Variants in MLLT3 observed in about 807,000 individuals in gnomAD.
The protein encoded by MLLT3 is protein AF-9.
MLLT3 carries 4 observed loss-of-function variants against 53.2 expected under a neutral mutation model. The observed-to-expected ratio is 0.08, with a 90% CI of 0.04 to 0.17. The LOEUF (loss-of-function observed/expected upper bound fraction) is 0.17. Ranked by LOEUF, MLLT3 falls within the 10% of genes least tolerant of loss-of-function variation. MLLT3 has a pLI of 1.00. For missense variants in MLLT3, 569 were observed against 684.0 expected (o/e 0.83, Z 1.87); for synonymous variants, 283 against 230.6 (o/e 1.23, Z -2.06).
At chr9:20,615,831 TG>T (rs1331281298) in intron 2 of MLLT3, among the ~76,000 whole-genome samples, 1 of 148,690 alleles carries the variant, frequency 6.7e-6, no homozygotes, top group Non-Finnish European at 1.5e-5. Flanking sequence ...AAAGAGAAGC[TG>T]GTAAGAGGAC....
chr9:20,450,041 C>T (rs894490142), intron 3 of MLLT3, among the ~76,000 whole-genome samples: 10 of 152,304 alleles, frequency 6.6e-5, no homozygotes, highest in African/African-American at 2.4e-4. Flanking sequence ...GCATCCAATT[C>T]ATGCATTATG....
chr9:20,445,383 A>G (rs932750737), intron 4 of MLLT3, among the ~76,000 whole-genome samples: 17 of 152,194 alleles, frequency 1.1e-4, no homozygotes, highest in African/African-American at 3.4e-4. Context: ...CTATTTAGGA[A>G]ATAGTATGAC....
At chr9:20,354,978 A>G in intron 8 of MLLT3, 99 bp from the exon 9 acceptor site, 1 of 710,804 alleles carries the variant, frequency 1.4e-6, no homozygotes, top group Admixed American at 2.3e-5. Context: ...AATGTACAGT[A>G]ACATTTGCTT....
intron 2 of MLLT3, among the ~76,000 whole-genome samples, chr9:20,613,443 C>T (rs559500654): frequency 6.6e-6 from 1 of 152,250 alleles, no homozygotes; most frequent in South Asian, 2.1e-4. Flanking sequence ...GGCTGGGAAG[C>T]ATTTTAAAAC....
chr9:20,605,894 G>C (rs1455332711), intron 2 of MLLT3, among the ~76,000 whole-genome samples: 2 of 151,964 alleles, frequency 1.3e-5, no homozygotes, highest in East Asian at 1.9e-4. Flanking sequence ...TTTTGTAAAG[G>C]AGTACAAATT....
chr9:20,352,810 C>T (rs1197201875), intron 10 of MLLT3, among the ~76,000 whole-genome samples: 3 of 147,252 alleles, frequency 2.0e-5, no homozygotes, highest in Non-Finnish European at 3.0e-5. Flanking sequence ...AAAATTCAAA[C>T]AGCGAAACAA....
intron 2 of MLLT3, among the ~76,000 whole-genome samples, chr9:20,552,395 T>A (rs1056126588): frequency 6.6e-6 from 1 of 152,076 alleles, no homozygotes; most frequent in African/African-American, 2.4e-5. Flanking sequence ...CCACCAAAAT[T>A]CAAGTTTTTG....
chr9:20,573,673 G>A lies in MLLT3; in HGVS notation c.193+46981C>T, dbSNP rs190491507. 3.1e-3 allele frequency among the ~76,000 whole-genome samples: 465 copies of A among 152,274 alleles called. 5 individuals carry two copies. Among genetic ancestry groups the A allele is most frequent in the Non-Finnish European group, 3.8e-3 (256 of 68,014 alleles). ...ATTTAAGAGAACTAAAACCAAACCA[G>A]GTTGGGTATACGTCTCCCCTTGGTA... is the stretch of plus-strand genomic sequence containing the variant. On this transcript the variant is annotated intron_variant, in intron 2 of 10. Transcript: ENST00000380338.
Position 20,529,159 on chromosome 9 carries a change from G to A in MLLT3, c.194-72373C>T, listed in dbSNP as rs559508692. Among the ~76,000 whole-genome samples the A allele has an allele frequency of 2.5e-4, 38 of 152,304 alleles. No homozygotes were observed. The South Asian group carries it at 7.9e-3, about 32-fold the overall frequency. ...AGACTACGCCTTACAATCTGGGTAT[G>A]CAGCCTAGGTTTGGTTGGATTTTTT... On this transcript the variant is annotated intron_variant, in intron 2 of 10. Transcript: ENST00000380338.
chr9:20,456,580 C>T, intron 3 of MLLT3, 124 bp downstream of exon 3: 1 of 691,152 alleles, frequency 1.4e-6, no homozygotes, highest in South Asian at 1.8e-5. Flanking sequence ...TCCTAGAAGA[C>T]AAATTTAACT....
At chr9:20,581,311 A>T (rs1285574802) in intron 2 of MLLT3, among the ~76,000 whole-genome samples, 1 of 152,198 alleles carries the variant, frequency 6.6e-6, no homozygotes, top group African/African-American at 2.4e-5. Context: ...TTACATAAAC[A>T]AAATTAAAGA....
At chr9:20,534,027 A>G (rs1394649242) in intron 2 of MLLT3, among the ~76,000 whole-genome samples, 1 of 152,222 alleles carries the variant, frequency 6.6e-6, no homozygotes, top group Non-Finnish European at 1.5e-5. Flanking sequence ...ATGTACACGT[A>G]TATCAAATCA....
At chr9:20,564,350 AT>A (rs1461991176) in intron 2 of MLLT3, among the ~76,000 whole-genome samples, 1 of 152,120 alleles carries the variant, frequency 6.6e-6, no homozygotes, top group African/African-American at 2.4e-5. Context: ...TAGAAAAGAG[AT>A]GGCTCTTACA....
At chr9:20,471,316 G>A (rs1324929360) in intron 2 of MLLT3, among the ~76,000 whole-genome samples, 1 of 152,002 alleles carries the variant, frequency 6.6e-6, no homozygotes, top group Non-Finnish European at 1.5e-5. Context: ...GTAATGCGAT[G>A]TTGAGTGAAA....
intron 2 of MLLT3, among the ~76,000 whole-genome samples, chr9:20,501,799 G>C (rs1161759725): frequency 6.8e-6 from 1 of 148,112 alleles, no homozygotes; most frequent in Non-Finnish European, 1.5e-5. Context: ...GCACCCAAGA[G>C]GTCAGGCGAG....
chr9:20,424,352 T>C (rs1190679765), intron 4 of MLLT3, among the ~76,000 whole-genome samples: 1 of 152,188 alleles, frequency 6.6e-6, no homozygotes, highest in Non-Finnish European at 1.5e-5. Flanking sequence ...CCCTCTCCTA[T>C]AATGCCCTGG....
chr9:20,482,871 A>C (rs1201774793), intron 2 of MLLT3, among the ~76,000 whole-genome samples: 2 of 152,184 alleles, frequency 1.3e-5, no homozygotes, highest in Non-Finnish European at 2.9e-5. Context: ...TTTCTTACAT[A>C]AATCATGAGT....
intron 2 of MLLT3, among the ~76,000 whole-genome samples, chr9:20,478,168 A>T (rs1277505283): frequency 6.6e-6 from 1 of 150,522 alleles, no homozygotes; most frequent in Non-Finnish European, 1.5e-5. Flanking sequence ...TTCTCGGTGG[A>T]CTGGCAGTGG....
intron 2 of MLLT3, among the ~76,000 whole-genome samples, chr9:20,467,901 C>G (rs527334139): frequency 6.6e-6 from 1 of 152,296 alleles, no homozygotes; most frequent in African/African-American, 2.4e-5. Context: ...TCACTTAAAT[C>G]AAGGGCTCAT....
Sources: allele counts gnomAD v4.1 joint callset (sites outside exome capture counted in the v4.1 genomes callset), GRCh38; gene constraint gnomAD v4.1.1; transcripts MANE v1.5; gene names NCBI Gene and HGNC (gene_info 2026-07-23, HGNC 2026-07-21).